ZNF93: variants seen among roughly 807,000 people sequenced by gnomAD.
ZNF93 encodes the protein zinc finger protein 93.
A neutral mutation model predicts 45.0 loss-of-function variants in ZNF93; 29 were observed. The ratio of observed to expected loss-of-function variants is 0.64; its 90% CI spans 0.48 to 0.88. The LOEUF is 0.88. Ranked by LOEUF, ZNF93 falls within the 40% of genes least tolerant of loss-of-function variation. ZNF93 has a pLI of 0.00. For synonymous variants in ZNF93, 223 were observed against 244.6 expected, an observed-to-expected ratio of 0.91 and a Z score of 0.82; for missense variants, 578 against 724.0, an observed-to-expected ratio of 0.80 and a Z score of 2.31.
chr19:19,934,538 A>C lies in ZNF93; in HGVS notation c.1583A>C (p.Lys528Thr). 6.2e-7 allele frequency: 1 copy of C among 1,613,508 alleles called. No individual in the cohort carries two copies. The highest frequency in any genetic ancestry group is 1.1e-5 in the South Asian group (1 of 91,070). Residue 528 changes from lysine (K) to threonine (T), a missense_variant, in exon 4 of 4, where the codon AAG becomes ACG. This residue lies in a region of ZNF93 where 119 missense variants were observed against 123.1 expected (regional missense o/e 0.97). Coordinates refer to ENST00000343769, the MANE Select transcript of ZNF93 (RefSeq NM_031218.4). ...CAGTCCTCAACCCTTATTAAACATA[A>C]GAAAATTCATACTAGAGAGAAACCC... ...FNQSSTLIKH[K>T]KIHTREKPYK...
intron 3 of ZNF93, among the ~76,000 whole-genome samples, chr19:19,922,089 TC>T (rs1429543654): frequency 6.6e-6 from 1 of 152,264 alleles, no homozygotes; most frequent in Admixed American, 6.5e-5. Context: ...TACCAGTTGT[TC>T]CTTTCCATGT....
chr19:19,927,113 C>T (rs2063358524), intron 3 of ZNF93: 1 of 398,116 alleles, frequency 2.5e-6, no homozygotes, highest in African/African-American at 2.1e-5. Context: ...TATTTCAGGG[C>T]CAGGTGTGGT....
chr19:19,926,805 T>C (rs2063357565), intron 3 of ZNF93, among the ~76,000 whole-genome samples: 1 of 152,170 alleles, frequency 6.6e-6, no homozygotes, highest in Non-Finnish European at 1.5e-5. Context: ...TCAGATTATA[T>C]ATGTATATGT....
At chr19:19,922,766 C>T (rs1446069608) in intron 3 of ZNF93, among the ~76,000 whole-genome samples, 9 of 152,190 alleles carry the variant, frequency 5.9e-5, no homozygotes, top group Admixed American at 1.3e-4. Context: ...ACATAGTTCT[C>T]GTGCCATGGT....
In ZNF93 at chr19:19,915,348, A is replaced by G. The variant is rs1486956174; in HGVS notation, c.72A>G (p.Ala24=). 4 of 1,614,042 alleles carry G rather than the reference A, an allele frequency of 2.5e-6. No homozygotes were observed. In the African/African-American group the frequency reaches 5.3e-5, roughly 22 times the overall value. ...AGGAGTGGCATTGCCTGGACACTGC[A>G]CAGCGGAATCTATATAGGAATGTGA... is the stretch of plus-strand genomic sequence containing the variant. The part of the protein sequence containing the change: ...SLEEWHCLDT[A]QRNLYRNVML... Residue 24 remains alanine (A), a synonymous_variant, in exon 2 of 4, where the codon GCA becomes GCG. Transcript: ENST00000343769.
Position 19,933,181 on chromosome 19 carries a change from G to C in ZNF93, c.227-1G>C, listed in dbSNP as rs2063379719. 1 of 1,515,198 alleles carries C rather than the reference G, an allele frequency of 6.6e-7. No homozygotes were observed. The highest frequency in any genetic ancestry group is 1.4e-5 in the African/African-American group (1 of 71,848). 93.9% of individuals were successfully genotyped at this position (1,515,198 alleles called of 1,614,324 possible). A position where few individuals can be genotyped will look rare whatever the true frequency, so the allele number is the denominator to read the frequency against. ...TAATGTGTTTTTATTGTTTCTTTCA[G>C]TTATATGTTCTCATTTTGCCCAAGA... On this transcript the variant is annotated splice_acceptor_variant, in intron 3 of 3. Transcript: ENST00000343769. LOFTEE classifies it high-confidence loss of function.
chr19:19,916,741 C>A (rs112322143), intron 3 of ZNF93, 86 bp downstream of exon 3: 2 of 975,494 alleles, frequency 2.1e-6, no homozygotes, highest in Non-Finnish European at 3.0e-6. Context: ...AAATGTGATT[C>A]GGGAAGCTGT....
chr19:19,927,649 C>T (rs2063360291), intron 3 of ZNF93, among the ~76,000 whole-genome samples: 1 of 152,116 alleles, frequency 6.6e-6, no homozygotes, highest in African/African-American at 2.4e-5. Context: ...CAAGATTATT[C>T]TCTTTAAGGT....
At chr19:19,929,254 C>T (rs530787632) in intron 3 of ZNF93, among the ~76,000 whole-genome samples, 2 of 152,208 alleles carry the variant, frequency 1.3e-5, no homozygotes, top group African/African-American at 2.4e-5. Context: ...GATGCTGGCA[C>T]ACACTTCTTA....
At position 19,902,738 on chromosome 19, in the gene ZNF93, CT is replaced by C. The variant is rs35918160; in HGVS notation, c.3+1663del. Reference sequence around the variant, plus strand: ...TAAGATGAAAGGAAACTGGGAGGATCTTTTTTTTTTTTTTTTGAGATGGAGT... The same window carrying C: ...TAAGATGAAAGGAAACTGGGAGGATCTTTTTTTTTTTTTTTGAGATGGAGT... On this transcript the variant is annotated intron_variant, in intron 1 of 3. Coordinates refer to ENST00000343769, the MANE Select transcript of ZNF93 (RefSeq NM_031218.4). Among the ~76,000 whole-genome samples the C allele has an allele frequency of 9.0e-3, 1,227 of 135,582 alleles. 12 individuals are homozygous for C. Among genetic ancestry groups the C allele is most frequent in the African/African-American group, 0.023 (843 of 36,366 alleles). 88.9% of individuals were successfully genotyped at this position (135,582 alleles called of 152,430 possible). A position where few individuals can be genotyped will look rare whatever the true frequency, so the allele number is the denominator to read the frequency against.
chr19:19,901,541 G>T (rs1238316216), intron 1 of ZNF93, among the ~76,000 whole-genome samples: 6 of 152,302 alleles, frequency 3.9e-5, no homozygotes, highest in Non-Finnish European at 8.8e-5. Flanking sequence ...TTGGGAGGCC[G>T]AGGCGGGCGG....
At position 19,900,976 on chromosome 19, in the gene ZNF93, CCTCTT is replaced by C; in HGVS notation, c.-111_-107del. ...TCGGTGCAGCCGGAGCTCCAGGTCT[CCTCTT>C]CACTACTCTGTGTCCTGTGCTCCTA... On this transcript the variant is annotated 5_prime_UTR_variant, in exon 1 of 4. Coordinates refer to ENST00000343769, the MANE Select transcript of ZNF93 (RefSeq NM_031218.4). 1 of 1,536,226 alleles carries C rather than the reference CCTCTT, an allele frequency of 6.5e-7. No homozygotes were observed.
chr19:19,909,797 A>G lies in ZNF93; in HGVS notation c.4-5483A>G, dbSNP rs535205710. ...CCAACCAGAATTTACTGTAGAGGGG[A>G]CTTTCCCTCTCAGACTTTGAGTCAG... On this transcript the variant is annotated intron_variant, in intron 1 of 3. Transcript: ENST00000343769. Among the ~76,000 whole-genome samples, 8 of 152,328 alleles carry G rather than the reference A, an allele frequency of 5.3e-5. No homozygotes were observed. In the South Asian group the frequency reaches 1.5e-3, roughly 28 times the overall value.
intron 1 of ZNF93, 114 bp downstream of exon 1, chr19:19,901,205 G>A (rs1007254114): frequency 1.3e-6 from 2 of 1,545,718 alleles, no homozygotes; most frequent in African/African-American, 2.7e-5. Flanking sequence ...ATCTGCGCCG[G>A]AGTTCTTGCC....
At chr19:19,920,811 T>G (rs1286571655) in intron 3 of ZNF93, among the ~76,000 whole-genome samples, 4 of 152,238 alleles carry the variant, frequency 2.6e-5, no homozygotes, top group Non-Finnish European at 5.9e-5. Flanking sequence ...CATTTTTTAT[T>G]GCATCTATTT....
intron 3 of ZNF93, chr19:19,927,183 C>G (rs2063358782): frequency 2.5e-6 from 1 of 398,326 alleles, no homozygotes; most frequent in East Asian, 3.6e-5. Context: ...ATCCCTGGAG[C>G]CCAAAAGTTT....
Position 19,933,478 on chromosome 19 carries a change from T to C in ZNF93, c.523T>C (p.Cys175Arg). The C allele has an allele frequency of 1.2e-6, 2 of 1,605,032 alleles. No individual in the cohort carries two copies. The highest frequency in any genetic ancestry group is 1.7e-6 in the Non-Finnish European group (2 of 1,177,428). ...ACATACTGAAAAAAAACCTTTCAAA[T>C]GCATAGAATGTGGCAAAGCTTTTAA... ...IRHTEKKPFK[C>R]IECGKAFNQF... Residue 175 changes from cysteine to arginine, a missense_variant, in exon 4 of 4, where the codon TGC becomes CGC. Coordinates refer to ENST00000343769, the MANE Select transcript of ZNF93 (RefSeq NM_031218.4).
In ZNF93 at chr19:19,934,036, T is replaced by G; in HGVS notation, c.1081T>G (p.Phe361Val). ...IASSTLSRHE[F>V]IHMGKKHYKC... is the part of the protein sequence containing the mutation. The stretch of plus-strand genomic sequence containing the variant: ...ATCCTCAACCCTTAGTAGACATGAG[T>G]TCATTCATATGGGAAAGAAACATTA... The change falls in exon 4 of 4, where the codon TTC (phenylalanine) becomes GTC (valine). Residue 361 changes from phenylalanine (F) to valine (V), a missense_variant. Around this residue, in one of 3 missense-constraint regions of ZNF93, gnomAD observed 446 missense variants for 547.6 expected, o/e 0.81. Transcript: ENST00000343769. 2 of 1,598,276 alleles carry G rather than the reference T, an allele frequency of 1.3e-6. No individual in the cohort carries two copies. Among genetic ancestry groups the G allele is most frequent in the Non-Finnish European group, 1.7e-6 (2 of 1,174,282 alleles).
At chr19:19,922,787 A>G (rs2059030995) in intron 3 of ZNF93, among the ~76,000 whole-genome samples, 3 of 152,184 alleles carry the variant, frequency 2.0e-5, no homozygotes, top group South Asian at 4.1e-4. Flanking sequence ...TTTCAGCTCC[A>G]TCAGGTCCTT....
Sources: gnomAD v4.1 joint callset for allele counts (sites outside exome capture counted in the v4.1 genomes callset) on GRCh38, gnomAD v4.1.1 for gene constraint, gnomAD v4.1.1 regional missense constraint, MANE v1.5 for transcripts, NCBI Gene and HGNC (gene_info 2026-07-23, HGNC 2026-07-21) for gene names.